The following SNAP91 variants were observed in gnomAD, a reference collection of about 807,000 sequenced individuals.
SNAP91 encodes synaptosome associated protein 91, also known as clathrin coat assembly protein AP180.
SNAP91 carries 27 observed loss-of-function variants against 100.3 expected under a neutral mutation model. That is an observed-to-expected ratio of 0.27 (90% CI 0.20 to 0.37). The LOEUF (loss-of-function observed/expected upper bound fraction) is 0.37, where lower values mean the gene tolerates loss of function less well. Ranked by LOEUF, SNAP91 falls within the 10% of genes least tolerant of loss-of-function variation. The probability of loss-of-function intolerance (pLI) is 1.00; values close to 1 mark genes in which losing one functional copy is unlikely to be tolerated. For missense variants in SNAP91, 986 were observed against 1,123.7 expected, an observed-to-expected ratio of 0.88 and a Z score of 1.75; for synonymous variants, 404 against 398.6, an observed-to-expected ratio of 1.01 and a Z score of -0.16.
At chr6:83,619,910 ATCAT>A (rs2096646135) in intron 9 of SNAP91, among the ~76,000 whole-genome samples, 1 of 152,200 alleles carries the variant, frequency 6.6e-6, no homozygotes, top group African/African-American at 2.4e-5. Context: ...CAATCATAAG[ATCAT>A]TCAAATTCTT....
intron 22 of SNAP91, 38 bp from the exon 23 acceptor site, chr6:83,582,394 T>C (rs1829735478): frequency 2.5e-6 from 4 of 1,578,268 alleles, no homozygotes; most frequent in African/African-American, 1.4e-5. Flanking sequence ...AGAAATAACA[T>C]AAAGGTGGGT....
chr6:83,584,519 T>A (rs547575213), intron 22 of SNAP91, among the ~76,000 whole-genome samples: 2 of 151,654 alleles, frequency 1.3e-5, no homozygotes, highest in East Asian at 3.9e-4. Context: ...AAAAAAAAAA[T>A]AGTGCCTTCT....
At chr6:83,665,196 A>C (rs543492083) in intron 3 of SNAP91, among the ~76,000 whole-genome samples, 53 of 152,102 alleles carry the variant, frequency 3.5e-4, no homozygotes, top group Non-Finnish European at 6.0e-4. Flanking sequence ...TCTGGAATCA[A>C]ACCTGCAATA....
intron 2 of SNAP91, among the ~76,000 whole-genome samples, chr6:83,683,381 G>A (rs1008552056): frequency 3.9e-5 from 6 of 152,174 alleles, no homozygotes; most frequent in African/African-American, 7.2e-5. Flanking sequence ...GGCCTTGCGG[G>A]TGGATCACTC....
At chr6:83,661,672 T>A in intron 4 of SNAP91, 68 bp from the exon 5 acceptor site, 1 of 825,374 alleles carries the variant, frequency 1.2e-6, no homozygotes, top group South Asian at 2.0e-5. Flanking sequence ...TGCATAGTAC[T>A]ATTTTTTTTT....
intron 16 of SNAP91, among the ~76,000 whole-genome samples, chr6:83,595,666 T>C (rs2094389166): frequency 1.3e-5 from 2 of 152,172 alleles, no homozygotes; most frequent in South Asian, 4.1e-4. Flanking sequence ...AAATACTGTC[T>C]TCCGCAATAT....
chr6:83,685,687 G>A (rs997046294), intron 2 of SNAP91, among the ~76,000 whole-genome samples: 6 of 151,932 alleles, frequency 3.9e-5, no homozygotes, highest in Admixed American at 6.6e-5. Flanking sequence ...AACCTGCTTC[G>A]GGACTTCTAA....
intron 11 of SNAP91, among the ~76,000 whole-genome samples, chr6:83,612,213 AG>A (rs1309285697): frequency 6.6e-6 from 1 of 152,150 alleles, no homozygotes. Flanking sequence ...AGAGTAATAT[AG>A]TCTATGAGGG....
At chr6:83,695,225 C>T (rs1264225501) in intron 2 of SNAP91, among the ~76,000 whole-genome samples, 4 of 136,174 alleles carry the variant, frequency 2.9e-5, no homozygotes, top group South Asian at 2.3e-4. Context: ...TGCAATGAAC[C>T]GAGATTGAGC....
At chr6:83,648,365 A>G (rs184222506) in intron 7 of SNAP91, among the ~76,000 whole-genome samples, 21 of 151,944 alleles carry the variant, frequency 1.4e-4, no homozygotes, top group African/African-American at 4.8e-4. Flanking sequence ...ATTAATGAAT[A>G]TTTAGTTTCT....
intron 21 of SNAP91, 108 bp from the exon 22 acceptor site, chr6:83,591,402 T>C: frequency 4.4e-6 from 3 of 685,894 alleles, no homozygotes; most frequent in Non-Finnish European, 7.8e-6. Context: ...CAGTGTACAG[T>C]GAGCTTGTCT....
chr6:83,675,951 A>T (rs891750824), intron 2 of SNAP91, among the ~76,000 whole-genome samples: 1 of 151,938 alleles, frequency 6.6e-6, no homozygotes, highest in African/African-American at 2.4e-5. Context: ...GTTCGAGACC[A>T]GACTGGGCAA....
Position 83,582,240 on chromosome 6 carries a change from T to C in SNAP91, c.2131A>G (p.Ser711Gly), listed in dbSNP as rs772242497. The C allele has an allele frequency of 6.2e-7, 1 of 1,613,626 alleles. No homozygotes were observed. The highest frequency in any genetic ancestry group is 1.1e-5 in the South Asian group (1 of 91,060). Residue 711 changes from serine to glycine, a missense_variant, in exon 23 of 30, where the codon AGC becomes GGC. Ser to Gly is a moderately conservative substitution (Grantham distance 56). Around this residue, in one of 4 missense-constraint regions of SNAP91, gnomAD observed 575 missense variants for 579.9 expected, o/e 0.99. Transcript: ENST00000369694. ...GCCTCACCTGATGGATCAAAGGAGC[T>C]GCTGCTGGAAGTTGAAGGCGTTGTC... The part of the protein sequence containing the change: ...FGTTPSTSSS[S>G]SFDPSVFDGL...
At position 83,592,974 on chromosome 6, in the gene SNAP91, C is replaced by A; in HGVS notation, c.1818G>T (p.Glu606Asp). The change falls in exon 20 of 30, where the codon GAG becomes GAT. Residue 606 changes from glutamate to aspartate, a missense_variant. Glu to Asp is a conservative substitution (Grantham distance 45). Around this residue, in one of 4 missense-constraint regions of SNAP91, gnomAD observed 575 missense variants for 579.9 expected, o/e 0.99. Transcript: ENST00000369694. ...ATAAGAGGTCAGCAGTGAGAGAACT[C>A]TCAGGCACAGGAGAGGCCCCTTGTG... ...SPPQGASPVP[E>D]SSLTADLLSV... 1 of 1,586,048 alleles carries A rather than the reference C, an allele frequency of 6.3e-7. No homozygotes were observed. Among genetic ancestry groups the A allele is most frequent in the Non-Finnish European group, 8.6e-7 (1 of 1,165,770 alleles).
intron 8 of SNAP91, 133 bp from the exon 9 acceptor site, chr6:83,623,475 A>C: frequency 1.5e-6 from 1 of 658,482 alleles, no homozygotes; most frequent in Non-Finnish European, 2.7e-6. Flanking sequence ...TATCACTCTC[A>C]CTTGGAACAT....
At chr6:83,557,629 G>A (rs1304644607) in intron 28 of SNAP91, among the ~76,000 whole-genome samples, 2 of 152,020 alleles carry the variant, frequency 1.3e-5, no homozygotes, top group Admixed American at 6.6e-5. Context: ...AGCTATGACT[G>A]CACCACTGCA....
At chr6:83,586,419 T>C (rs2092640473) in intron 22 of SNAP91, among the ~76,000 whole-genome samples, 1 of 152,202 alleles carries the variant, frequency 6.6e-6, no homozygotes, top group African/African-American at 2.4e-5. Context: ...TGTGAAATTC[T>C]CTTATACTAG....
chr6:83,564,786 GTAAAACTA>G (rs1794278107), intron 26 of SNAP91, among the ~76,000 whole-genome samples: 1 of 151,710 alleles, frequency 6.6e-6, no homozygotes, highest in African/African-American at 2.4e-5. Flanking sequence ...AATGTAAGAG[GTAAAACTA>G]TAAAACTCCT....
intron 16 of SNAP91, among the ~76,000 whole-genome samples, chr6:83,596,668 T>C (rs1370793121): frequency 1.5e-5 from 1 of 66,368 alleles, no homozygotes; most frequent in East Asian, 7.5e-4. Flanking sequence ...TGCATCTATG[T>C]TGATTAGCTC....
Sources: allele counts gnomAD v4.1 joint callset (sites outside exome capture counted in the v4.1 genomes callset), GRCh38; gene constraint gnomAD v4.1.1; regional missense constraint gnomAD v4.1.1; transcripts MANE v1.5; gene names NCBI Gene and HGNC (gene_info 2026-07-23, HGNC 2026-07-21).